The following ESRRB variants were observed in gnomAD, a reference collection of about 807,000 sequenced individuals.
The protein encoded by ESRRB is estrogen related receptor beta, also known as steroid hormone receptor ERR2.
In ESRRB, 16 loss-of-function variants were observed where a neutral mutation model predicts 46.0. The observed-to-expected ratio is 0.35, with a 90% CI of 0.24 to 0.53. The LOEUF (loss-of-function observed/expected upper bound fraction) is 0.53. Ranked by LOEUF, ESRRB falls within the 20% of genes least tolerant of loss-of-function variation. ESRRB has a pLI of 0.93. For synonymous variants in ESRRB, 246 were observed against 259.6 expected (o/e 0.95, Z 0.50); for missense variants, 488 against 607.4 (o/e 0.80, Z 2.07).
intron 1 of ESRRB, among the ~76,000 whole-genome samples, chr14:76,329,392 G>T (rs1222735511): frequency 6.6e-6 from 1 of 152,152 alleles, no homozygotes; most frequent in Non-Finnish European, 1.5e-5. Context: ...GAGCTGGGAG[G>T]TTCCGTGAAT....
intron 1 of ESRRB, among the ~76,000 whole-genome samples, chr14:76,339,546 G>A (rs560410486): frequency 3.2e-4 from 48 of 152,284 alleles, no homozygotes; most frequent in Middle Eastern, 3.4e-3. Context: ...GCTTATGGAC[G>A]TGTACTGTAC....
intron 1 of ESRRB, among the ~76,000 whole-genome samples, chr14:76,338,270 T>G (rs910194516): frequency 6.6e-6 from 1 of 152,230 alleles, no homozygotes; most frequent in African/African-American, 2.4e-5. Context: ...GCCCTGGCCC[T>G]GGCTCCAGCC....
chr14:76,438,591 G>A (rs1432206242), intron 1 of ESRRB, among the ~76,000 whole-genome samples: 1 of 151,856 alleles, frequency 6.6e-6, no homozygotes, highest in African/African-American at 2.4e-5. Flanking sequence ...TTGAACCCAG[G>A]AGGTGGAGGT....
rs114358358 is a variant in ESRRB at position 76,378,195 on chromosome 14, A to G, written c.50+1744A>G. 1.5e-3 allele frequency among the ~76,000 whole-genome samples: 228 copies of G among 152,302 alleles called. 1 individual carries two copies. The highest frequency in any genetic ancestry group is 5.4e-3 in the African/African-American group (223 of 41,560). On this transcript the variant is annotated intron_variant, in intron 1 of 6. Coordinates refer to ENST00000644823, the MANE Select transcript of ESRRB (RefSeq NM_001379180.1). The stretch of plus-strand genomic sequence containing the variant: ...TTAGTTGAGCACGAAATACTTATGT[A>G]TTTGTCCCTGGCTCAAGTCATAGTC...
chr14:76,338,011 C>T (rs1007544452), intron 1 of ESRRB, among the ~76,000 whole-genome samples: 1 of 152,196 alleles, frequency 6.6e-6, no homozygotes, highest in Non-Finnish European at 1.5e-5. Context: ...CGAGCTGCCT[C>T]GGGGCCCCTC....
At chr14:76,402,037 G>A (rs564400495) in intron 1 of ESRRB, among the ~76,000 whole-genome samples, 1 of 152,204 alleles carries the variant, frequency 6.6e-6, no homozygotes, top group Non-Finnish European at 1.5e-5. Flanking sequence ...GCGGGAGAAG[G>A]CTGATGTCCC....
At chr14:76,496,040 A>C (rs959486908) in intron 6 of ESRRB, among the ~76,000 whole-genome samples, 1 of 152,128 alleles carries the variant, frequency 6.6e-6, no homozygotes, top group Admixed American at 6.5e-5. Context: ...TGGCAACCTG[A>C]CCTTTGTGAG....
intron 2 of ESRRB, among the ~76,000 whole-genome samples, chr14:76,443,355 T>G (rs907457307): frequency 3.9e-5 from 6 of 152,132 alleles, no homozygotes; most frequent in African/African-American, 1.4e-4. Flanking sequence ...CTCTGCCCGC[T>G]TTATACACCC....
At chr14:76,344,250 G>T (rs992525297) in intron 1 of ESRRB, among the ~76,000 whole-genome samples, 1 of 152,210 alleles carries the variant, frequency 6.6e-6, no homozygotes, top group Non-Finnish European at 1.5e-5. Context: ...TGTTATTAGT[G>T]TTGTGCTTTT....
At chr14:76,464,421 T>C (rs187848867) in intron 3 of ESRRB, among the ~76,000 whole-genome samples, 1 of 152,196 alleles carries the variant, frequency 6.6e-6, no homozygotes, top group Non-Finnish European at 1.5e-5. Context: ...CACTTCCGTT[T>C]ACCATTTCCA....
chr14:76,439,145 C>G (rs571298356), intron 1 of ESRRB, among the ~76,000 whole-genome samples, 196 bp from the exon 2 acceptor site: 3 of 152,322 alleles, frequency 2.0e-5, no homozygotes, highest in East Asian at 3.9e-4. Context: ...TTGAGGCCTC[C>G]GAAGGTTTTG....
At chr14:76,319,704 A>C (rs550694135) in intron 1 of ESRRB, among the ~76,000 whole-genome samples, 4 of 152,298 alleles carry the variant, frequency 2.6e-5, no homozygotes, top group Admixed American at 2.6e-4. Flanking sequence ...AGTCCCCGCA[A>C]GTTCAAACTT....
chr14:76,497,059 G>A (rs1412524205), intron 6 of ESRRB, among the ~76,000 whole-genome samples: 2 of 152,162 alleles, frequency 1.3e-5, no homozygotes, highest in African/African-American at 4.8e-5. Context: ...GGAGAGTCGG[G>A]GGAGGATGGA....
At position 76,457,124 on chromosome 14, in the gene ESRRB, C is replaced by T. The variant is rs73318383; in HGVS notation, c.461-5421C>T. 6.8e-4 allele frequency among the ~76,000 whole-genome samples: 104 copies of T among 152,236 alleles called. 1 individual carries two copies. The highest frequency in any genetic ancestry group is 2.2e-3 in the African/African-American group (91 of 41,548). ...GATGACCCTGGGATTTCCTTCTCTC[C>T]GGGAAGCACAGGATCAAAGAGAGCT... On this transcript the variant is annotated intron_variant, in intron 2 of 6. Coordinates refer to ENST00000644823, the MANE Select transcript of ESRRB (RefSeq NM_001379180.1).
chr14:76,432,231 G>C (rs1887478051), intron 1 of ESRRB, among the ~76,000 whole-genome samples: 1 of 152,220 alleles, frequency 6.6e-6, no homozygotes, highest in East Asian at 1.9e-4. Flanking sequence ...AGTGGGTAGA[G>C]GCCGGGGGTG....
intron 1 of ESRRB, among the ~76,000 whole-genome samples, chr14:76,417,714 C>T (rs1886764946): frequency 6.6e-6 from 1 of 152,102 alleles, no homozygotes; most frequent in Non-Finnish European, 1.5e-5. Flanking sequence ...TATAGTGTGA[C>T]TTCTGGTGAC....
intron 3 of ESRRB, among the ~76,000 whole-genome samples, chr14:76,469,274 T>C (rs1555342818): frequency 6.6e-6 from 1 of 152,118 alleles, no homozygotes; most frequent in Non-Finnish European, 1.5e-5. Context: ...TTTGTATTTT[T>C]AGTAGAGACA....
At chr14:76,317,538 T>C (rs1883816706) in intron 1 of ESRRB, among the ~76,000 whole-genome samples, 1 of 152,114 alleles carries the variant, frequency 6.6e-6, no homozygotes, top group Non-Finnish European at 1.5e-5. Context: ...GCCTAGGGCC[T>C]CCTCATAGAT....
chr14:76,310,901 C>T (rs900125841), exon 1 of ESRRB: 3 of 454,692 alleles, frequency 6.6e-6, no homozygotes, highest in Admixed American at 2.4e-5. Context: ...TCGTCCTCCA[C>T]GCCAGCCCCA....
Sources: allele counts gnomAD v4.1 joint callset (sites outside exome capture counted in the v4.1 genomes callset), GRCh38; gene constraint gnomAD v4.1.1; transcripts MANE v1.5; gene names NCBI Gene and HGNC (gene_info 2026-07-23, HGNC 2026-07-21).